Variants in VWA3B observed in about 807,000 individuals in gnomAD.
The protein encoded by VWA3B is von Willebrand factor A domain containing 3B, also known as von Willebrand factor A domain-containing protein 3B.
VWA3B carries 138 observed loss-of-function variants against 158.3 expected under a neutral mutation model. The observed-to-expected ratio is 0.87, with a 90% confidence interval of 0.76 to 1.00. The LOEUF is 1.00. VWA3B is among the 50% of genes least tolerant of loss of function. The probability of loss-of-function intolerance (pLI) is 0.00; values close to 1 mark genes in which losing one functional copy is unlikely to be tolerated. For missense variants in VWA3B, 1,555 were observed against 1,565.1 expected, an observed-to-expected ratio of 0.99 and a Z score of 0.11; for synonymous variants, 596 against 587.3, an observed-to-expected ratio of 1.01 and a Z score of -0.21.
chr2:98,310,301 G>T (rs773802136), intron 26 of VWA3B, among the ~76,000 whole-genome samples: 2 of 152,178 alleles, frequency 1.3e-5, no homozygotes, highest in African/African-American at 4.8e-5. Context: ...AGCAAAGGGG[G>T]TGGGTTCTGA....
At chr2:98,195,167 G>A (rs1283013794) in intron 12 of VWA3B, among the ~76,000 whole-genome samples, 2 of 152,166 alleles carry the variant, frequency 1.3e-5, no homozygotes, top group African/African-American at 4.8e-5. Flanking sequence ...AAATATAGGA[G>A]CTGGACATCG....
At chr2:98,299,936 TTTC>T (rs2105982389) in intron 24 of VWA3B, 140 bp from the exon 25 acceptor site, 2 of 1,168,712 alleles carry the variant, frequency 1.7e-6, no homozygotes, top group East Asian at 4.8e-5. Flanking sequence ...CTTGGAACTC[TTTC>T]TTAACTGAGA....
chr2:98,232,263 G>A (rs1346115776), intron 16 of VWA3B, among the ~76,000 whole-genome samples: 3 of 152,164 alleles, frequency 2.0e-5, no homozygotes, highest in Non-Finnish European at 4.4e-5. Context: ...AGATTTATGA[G>A]GGCAAAGTTG....
intron 19 of VWA3B, chr2:98,242,224 T>G: frequency 2.2e-6 from 1 of 456,198 alleles, no homozygotes; most frequent in Non-Finnish European, 4.4e-6. Flanking sequence ...GGCTCTTTCT[T>G]CTTCTGGAAC....
rs182314432 is a variant in VWA3B, at chr2:98,206,936, A to G, written c.1738-4994A>G. 661 of 466,802 alleles carry G rather than the reference A, an allele frequency of 1.4e-3. 2 individuals are homozygous for G. The highest frequency in any genetic ancestry group is 2.2e-3 in the Non-Finnish European group (508 of 235,214). The allele number at this position is 466,802 out of a possible 1,614,324, so 28.9% of individuals were successfully genotyped here. A position where few individuals can be genotyped will look rare whatever the true frequency, so the allele number is the denominator to read the frequency against. On this transcript the variant is annotated intron_variant, in intron 12 of 27. Coordinates refer to ENST00000477737, the MANE Select transcript of VWA3B (RefSeq NM_144992.5). ...GTCAACTTAAAAAATGTTACCTCCA[A>G]GGTAATGCTGATGTAAGGTCAGATG...
rs75004312 is a variant in VWA3B, at chr2:98,290,879, A to T, written c.3157+257A>T. 2.8e-3 allele frequency: 1,092 copies of T among 386,460 alleles called. 7 individuals are homozygous for T. The highest frequency in any genetic ancestry group is 0.021 in the African/African-American group (1,000 of 47,316). The allele number at this position is 386,460 out of a possible 1,614,324, so 23.9% of individuals were successfully genotyped here. ...TTTAGTAAACAAATTTTTATTACCC[A>T]TTTACTGCGTTGCATGTATGTAATA... is the stretch of plus-strand genomic sequence containing the variant. On this transcript the variant is annotated intron_variant, in intron 23 of 27. Coordinates refer to ENST00000477737, the MANE Select transcript of VWA3B (RefSeq NM_144992.5).
chr2:98,133,396 C>G (rs2105048067), intron 6 of VWA3B, among the ~76,000 whole-genome samples: 2 of 152,306 alleles, frequency 1.3e-5, no homozygotes, highest in Middle Eastern at 3.4e-3. Flanking sequence ...TAGGCAAATG[C>G]TGTCTGTGTC....
At chr2:98,210,568 C>T (rs1683426016) in intron 12 of VWA3B, among the ~76,000 whole-genome samples, 1 of 152,192 alleles carries the variant, frequency 6.6e-6, no homozygotes, top group African/African-American at 2.4e-5. Flanking sequence ...TAGGTGAGAG[C>T]AGCTGGATGG....
intron 24 of VWA3B, among the ~76,000 whole-genome samples, chr2:98,299,476 G>A (rs891869930): frequency 6.6e-6 from 1 of 152,190 alleles, no homozygotes; most frequent in African/African-American, 2.4e-5. Flanking sequence ...GAGGAGAAGC[G>A]CTGGAGGAGG....
intron 2 of VWA3B, among the ~76,000 whole-genome samples, chr2:98,101,941 T>C (rs548786859): frequency 6.6e-6 from 1 of 152,190 alleles, no homozygotes; most frequent in African/African-American, 2.4e-5. Flanking sequence ...GGCAGGGTCA[T>C]AGGATGATAG....
chr2:98,138,177 C>T (rs1676436748), intron 7 of VWA3B, among the ~76,000 whole-genome samples: 1 of 152,206 alleles, frequency 6.6e-6, no homozygotes, highest in Admixed American at 6.5e-5. Context: ...TGTGAACTTG[C>T]TCTCATGTAA....
chr2:98,219,869 A>G (rs1038316211), intron 14 of VWA3B, among the ~76,000 whole-genome samples: 1 of 152,168 alleles, frequency 6.6e-6, no homozygotes. Flanking sequence ...ACTTTTTAAG[A>G]TATATAAAAA....
At chr2:98,173,201 G>A (rs1195595170) in intron 8 of VWA3B, among the ~76,000 whole-genome samples, 3 of 152,194 alleles carry the variant, frequency 2.0e-5, no homozygotes, top group African/African-American at 4.8e-5. Context: ...GGGGCAGGGC[G>A]CAGCTGGTTT....
chr2:98,312,068 T>C (rs1280732489), intron 27 of VWA3B, 36 bp downstream of exon 27: 1 of 1,595,526 alleles, frequency 6.3e-7, no homozygotes, highest in Non-Finnish European at 8.5e-7. Context: ...ACATCGCTTA[T>C]CTCAGGAACA....
At position 98,125,799 on chromosome 2, in the gene VWA3B, G is replaced by GACT. The variant is rs1038607549; in HGVS notation, c.703-2437_703-2435dup. 6.6e-6 allele frequency among the ~76,000 whole-genome samples: 1 copy of GACT among 152,144 alleles called. No homozygotes were observed. Among genetic ancestry groups the GACT allele is most frequent in the African/African-American group, 2.4e-5 (1 of 41,430 alleles). On this transcript the variant is annotated intron_variant, in intron 5 of 27. Transcript: ENST00000477737. The surrounding 1 kb of genome is among the most constrained non-coding windows in gnomAD (Gnocchi z 4.1). Reference sequence around the variant, plus strand: ...CTGCCTCAGCCTCCCCAGTAGCTGGGACTACAGGCGCCTGCCACCACATCC... The same window carrying GACT: ...CTGCCTCAGCCTCCCCAGTAGCTGGGACTACTACAGGCGCCTGCCACCACATCC...
chr2:98,305,351 G>T (rs1024111327), intron 26 of VWA3B, among the ~76,000 whole-genome samples: 1 of 152,150 alleles, frequency 6.6e-6, no homozygotes, highest in Non-Finnish European at 1.5e-5. Flanking sequence ...CAGCCATGAT[G>T]GGTAACTATA....
At chr2:98,107,572 C>T (rs1017298934) in intron 2 of VWA3B, among the ~76,000 whole-genome samples, 4 of 152,068 alleles carry the variant, frequency 2.6e-5, no homozygotes, top group Admixed American at 6.5e-5. Flanking sequence ...AGATATAGGA[C>T]TAGTCAAATT....
rs1174205580 is a variant in VWA3B, at chr2:98,269,507, A to G, written c.2844-1175A>G. 5 of 152,298 alleles carry G rather than the reference A, an allele frequency of 3.3e-5. No individual in the cohort carries two copies. In the East Asian group the frequency reaches 5.8e-4, roughly 18 times the overall value. The allele number at this position is 152,298 out of a possible 1,614,324, so 9.4% of individuals were successfully genotyped here. The stretch of plus-strand genomic sequence containing the variant: ...TCTGAATCAGGCAAGACGGAAACCT[A>G]TTTCTTCAGAAGTCCCCCAAAACAC... On this transcript the variant is annotated intron_variant, in intron 21 of 27. Coordinates refer to ENST00000477737, the MANE Select transcript of VWA3B (RefSeq NM_144992.5).
chr2:98,129,206 G>GGAGA (rs150753050), intron 6 of VWA3B, among the ~76,000 whole-genome samples: 7,849 of 128,104 alleles, frequency 0.061, 346 homozygotes, highest in East Asian at 0.076. Context: ...GAGAGAGAGA[G>GGAGA]GAGAGAGAGA....
Sources: allele counts gnomAD v4.1 joint callset (sites outside exome capture counted in the v4.1 genomes callset), GRCh38; gene constraint gnomAD v4.1.1; non-coding constraint Gnocchi (gnomAD v3.1); transcripts MANE v1.5; gene names NCBI Gene and HGNC (gene_info 2026-07-23, HGNC 2026-07-21).